NFKBIL1: variants seen among roughly 807,000 people sequenced by gnomAD.
The protein encoded by NFKBIL1 is NFKB inhibitor like 1, also known as NF-kappa-B inhibitor-like protein 1.
A neutral mutation model predicts 45.4 loss-of-function variants in NFKBIL1; 30 were observed. That is an observed-to-expected ratio of 0.66 (90% CI 0.49 to 0.90). The LOEUF (loss-of-function observed/expected upper bound fraction) is 0.90. Among genes scored for constraint, NFKBIL1 ranks in the 40% least tolerant of loss-of-function variants. NFKBIL1 has a pLI of 0.00. For missense variants in NFKBIL1, 434 were observed against 513.4 expected (o/e 0.85, Z 1.49); for synonymous variants, 179 against 197.3 (o/e 0.91, Z 0.78).
intron 1 of NFKBIL1, 146 bp from the exon 2 acceptor site, chr6:31,548,017 A>G: frequency 8.9e-7 from 1 of 1,119,686 alleles, no homozygotes; most frequent in Non-Finnish European, 1.3e-6. Context: ...CTGATAAAGG[A>G]TCAGGGTTAG....
intron 2 of NFKBIL1, among the ~76,000 whole-genome samples, chr6:31,552,859 C>G (rs1769512828): frequency 1.3e-5 from 2 of 150,860 alleles, no homozygotes; most frequent in South Asian, 4.2e-4. Context: ...CGCCCGCCAC[C>G]ACGCCCAGCT....
chr6:31,558,714 T>A lies in NFKBIL1; in HGVS notation c.*103T>A. The A allele has an allele frequency of 9.5e-7, 1 of 1,055,208 alleles. No individual in the cohort carries two copies. The allele number at this position is 1,055,208 out of a possible 1,614,324, so 65.4% of individuals were successfully genotyped here. A position where few individuals can be genotyped will look rare whatever the true frequency, so the allele number is the denominator to read the frequency against. On this transcript the variant is annotated 3_prime_UTR_variant, in exon 4 of 4. Transcript: ENST00000376148. This position sits in a 1 kb window ranked among gnomAD's most constrained non-coding sequence, Gnocchi z 7.2. ...ACCACAAGGAAGAGCCAGGTGCTGCTCAGCAGAGGATATGGGTGGGAGCGA... is the reference window on the plus strand; with the variant it reads ...ACCACAAGGAAGAGCCAGGTGCTGCACAGCAGAGGATATGGGTGGGAGCGA...
upstream of NFKBIL1, among the ~76,000 whole-genome samples, chr6:31,547,154 A>G (rs973299842): frequency 1.4e-5 from 2 of 144,520 alleles, no homozygotes; most frequent in African/African-American, 5.2e-5. Flanking sequence ...CACTTGCCCC[A>G]TCCTACGATA....
chr6:31,555,609 CTTTTTTTTTTTTTTT>C (rs772749122), intron 2 of NFKBIL1, among the ~76,000 whole-genome samples: 1 of 72,282 alleles, frequency 1.4e-5, no homozygotes, highest in South Asian at 5.6e-4. Flanking sequence ...CTCTCTCTCT[CTTTTTTTTTTTTTTT>C]TTTTTTTTTG....
Position 31,547,679 on chromosome 6 carries a change from G to A in NFKBIL1, c.-16G>A, listed in dbSNP as rs1366569573. On this transcript the variant is annotated 5_prime_UTR_variant, in exon 1 of 4. Transcript: ENST00000376148. ...CTACGGCTCTGGGGGTACTTGGGGG[G>A]GCGGGGGCAGGTCTGATGAGTAACC... The A allele has an allele frequency of 2.5e-6, 4 of 1,601,540 alleles. No individual in the cohort carries two copies. The African/African-American group carries it at 5.4e-5, about 21-fold the overall frequency.
chr6:31,557,986 T>G lies in NFKBIL1; in HGVS notation c.557-36T>G. ...TGGGGCCCATCACCTTCTCACAGCCTCTCTCCAACTACCCCCATCCCACCC... is the reference window on the plus strand; with the variant it reads ...TGGGGCCCATCACCTTCTCACAGCCGCTCTCCAACTACCCCCATCCCACCC... On this transcript the variant is annotated intron_variant, in intron 3 of 3. Transcript: ENST00000376148. The surrounding 1 kb of genome is among the most constrained non-coding windows in gnomAD (Gnocchi z 5.4). 2 of 1,521,120 alleles carry G rather than the reference T, an allele frequency of 1.3e-6. No homozygotes were observed. The highest frequency in any genetic ancestry group is 1.8e-6 in the Non-Finnish European group (2 of 1,124,044). 94.2% of individuals were successfully genotyped at this position (1,521,120 alleles called of 1,614,324 possible).
rs1193056054 is a variant in NFKBIL1 at position 31,557,705 on chromosome 6, C to G, written c.412C>G (p.Pro138Ala). ...MGIKNKDGETPGQILGWGPPW... is the reference protein window; with the variant it reads ...MGIKNKDGETAGQILGWGPPW... ...AATAAAGAATAAGGATGGGGAGACCCCTGGCCAAATTTTGGGCTGGGGACC... is the reference window on the plus strand; with the variant it reads ...AATAAAGAATAAGGATGGGGAGACCGCTGGCCAAATTTTGGGCTGGGGACC... Residue 138 changes from proline to alanine, a missense_variant, in exon 3 of 4, where the codon CCT (proline) becomes GCT (alanine). Coordinates refer to ENST00000376148, the MANE Select transcript of NFKBIL1 (RefSeq NM_005007.4). The surrounding 1 kb of genome is among the most constrained non-coding windows in gnomAD (Gnocchi z 5.4). 6.2e-7 allele frequency: 1 copy of G among 1,607,910 alleles called. No homozygotes were observed. Among genetic ancestry groups the G allele is most frequent in the East Asian group, 2.2e-5 (1 of 44,728 alleles).
rs751239866 is a variant in NFKBIL1 at position 31,547,672 on chromosome 6, T to C, written c.-23T>C. 3 of 1,595,770 alleles carry C rather than the reference T, an allele frequency of 1.9e-6. No individual in the cohort carries two copies. In the East Asian group the frequency reaches 6.7e-5, roughly 36 times the overall value. On this transcript the variant is annotated 5_prime_UTR_variant, in exon 1 of 4. Coordinates refer to ENST00000376148, the MANE Select transcript of NFKBIL1 (RefSeq NM_005007.4). ...CTTGGGCCTACGGCTCTGGGGGTAC[T>C]TGGGGGGGCGGGGGCAGGTCTGATG...
At position 31,558,473 on chromosome 6, in the gene NFKBIL1, C is replaced by A. The variant is rs1330293025; in HGVS notation, c.1008C>A (p.Val336=). The change falls in exon 4 of 4, where the codon GTC becomes GTA. Residue 336 remains valine (V), a synonymous_variant. Transcript: ENST00000376148. This position sits in a 1 kb window ranked among gnomAD's most constrained non-coding sequence, Gnocchi z 7.2. ...GGGCTCTGAGGAGGTACTTGAGGGT[C>A]CAGCAGGTCCGCTGGCACCCTGACC... The part of the protein sequence containing the change: ...EQGALRRYLR[V]QQVRWHPDRF... 5 of 1,551,626 alleles carry A rather than the reference C, an allele frequency of 3.2e-6. No homozygotes were observed. The highest frequency in any genetic ancestry group is 1.4e-5 in the African/African-American group (1 of 73,304).
rs201434464 is a variant in NFKBIL1, at chr6:31,548,452, A to G, written c.334+13A>G. The G allele has an allele frequency of 6.7e-5, 100 of 1,493,232 alleles. No individual in the cohort carries two copies. The highest frequency in any genetic ancestry group is 8.5e-5 in the Non-Finnish European group (96 of 1,128,564). 92.5% of individuals were successfully genotyped at this position (1,493,232 alleles called of 1,614,324 possible). ...CAGGGCCCAGATGGTGAGTCTGCTC[A>G]GTGGGGAACAAGGTCATAAGCAGCT... On this transcript the variant is annotated intron_variant, in intron 2 of 3. Transcript: ENST00000376148.
At chr6:31,547,887 T>G (rs1769171898) in intron 1 of NFKBIL1, 136 bp downstream of exon 1, 1 of 804,928 alleles carries the variant, frequency 1.2e-6, no homozygotes, top group African/African-American at 1.8e-5. Context: ...AATTAAAAAT[T>G]TACCTGGGCT....
intron 2 of NFKBIL1, 91 bp downstream of exon 2, chr6:31,548,530 TG>T: frequency 7.4e-7 from 1 of 1,359,430 alleles, no homozygotes; most frequent in Non-Finnish European, 9.5e-7. Flanking sequence ...GCTGGTTATT[TG>T]GTCATCAGGA....
In NFKBIL1 at chr6:31,548,238, C is replaced by T. The variant is rs1769211341; in HGVS notation, c.133C>T (p.Arg45Trp). 4 of 1,613,130 alleles carry T rather than the reference C, an allele frequency of 2.5e-6. No homozygotes were observed. The highest frequency in any genetic ancestry group is 1.1e-5 in the South Asian group (1 of 91,088). The stretch of plus-strand genomic sequence containing the variant: ...CTTTCGTCGTTACTTGTCTGCAGGA[C>T]GGCTGGTCCGGGCCCAGGCCCTCCT... ...RRFRRYLSAG[R>W]LVRAQALLQR... Residue 45 changes from arginine (R) to tryptophan (W), a missense_variant, in exon 2 of 4, where the codon CGG becomes TGG. Transcript: ENST00000376148.
chr6:31,552,335 C>T (rs1231168571), intron 2 of NFKBIL1, among the ~76,000 whole-genome samples: 2 of 150,728 alleles, frequency 1.3e-5, no homozygotes, highest in East Asian at 2.0e-4. Context: ...TGCAGTGGCA[C>T]AATCTCGGCT....
At chr6:31,556,277 G>A (rs376225982) in intron 2 of NFKBIL1, among the ~76,000 whole-genome samples, 3 of 152,100 alleles carry the variant, frequency 2.0e-5, no homozygotes, top group East Asian at 3.9e-4. Flanking sequence ...GTGGGCCTTC[G>A]CCAGCCACAC....
chr6:31,552,667 G>A (rs183526970), intron 2 of NFKBIL1, among the ~76,000 whole-genome samples: 3 of 144,464 alleles, frequency 2.1e-5, no homozygotes, highest in Admixed American at 7.1e-5. Flanking sequence ...CTGGTAAATC[G>A]CTATAAAGGC....
chr6:31,550,737 T>C (rs1454597622), intron 2 of NFKBIL1, among the ~76,000 whole-genome samples: 1 of 152,212 alleles, frequency 6.6e-6, no homozygotes, highest in African/African-American at 2.4e-5. Context: ...TTGCCCAGGC[T>C]AGAGTGCAAT....
At position 31,557,968 on chromosome 6, in the gene NFKBIL1, C is replaced by A; in HGVS notation, c.557-54C>A. ...CTGTGCTTCCCTGCTTCTTGGGGCC[C>A]ATCACCTTCTCACAGCCTCTCTCCA... is the stretch of plus-strand genomic sequence containing the variant. On this transcript the variant is annotated intron_variant, in intron 3 of 3. Transcript: ENST00000376148. The surrounding 1 kb of genome is among the most constrained non-coding windows in gnomAD (Gnocchi z 5.4). 1 of 1,501,038 alleles carries A rather than the reference C, an allele frequency of 6.7e-7. No individual in the cohort carries two copies. The highest frequency in any genetic ancestry group is 1.3e-5 in the South Asian group (1 of 76,586). The allele number at this position is 1,501,038 out of a possible 1,614,324, so 93.0% of individuals were successfully genotyped here. A position where few individuals can be genotyped will look rare whatever the true frequency, so the allele number is the denominator to read the frequency against.
Position 31,557,605 on chromosome 6 carries a change from G to GTAGAT in NFKBIL1, c.335-23_335-22insTAGAT. Reference sequence around the variant, plus strand: ...GGAGTGGGAGTCCCAGCTAACTTCTGCTCCCTGCTCTCCCACCAACAGCCT... The same window carrying GTAGAT: ...GGAGTGGGAGTCCCAGCTAACTTCTGTAGATCTCCCTGCTCTCCCACCAACAGCCT... On this transcript the variant is annotated intron_variant, in intron 2 of 3. Transcript: ENST00000376148. This position sits in a 1 kb window ranked among gnomAD's most constrained non-coding sequence, Gnocchi z 5.4. 6.7e-7 allele frequency: 1 copy of GTAGAT among 1,483,388 alleles called. No individual in the cohort carries two copies. Among genetic ancestry groups the GTAGAT allele is most frequent in the Non-Finnish European group, 9.0e-7 (1 of 1,113,164 alleles). 91.9% of individuals were successfully genotyped at this position (1,483,388 alleles called of 1,614,324 possible). A position where few individuals can be genotyped will look rare whatever the true frequency, so the allele number is the denominator to read the frequency against.
Sources: gnomAD v4.1 joint callset for allele counts (sites outside exome capture counted in the v4.1 genomes callset) on GRCh38, gnomAD v4.1.1 for gene constraint, Gnocchi (gnomAD v3.1) non-coding constraint, MANE v1.5 for transcripts, NCBI Gene and HGNC (gene_info 2026-07-23, HGNC 2026-07-21) for gene names.